The following RERE variants were observed in gnomAD, a reference collection of about 807,000 sequenced individuals.
RERE encodes the protein arginine-glutamic acid dipeptide repeats.
In RERE, 40 loss-of-function variants were observed where a neutral mutation model predicts 146.1. The ratio of observed to expected loss-of-function variants is 0.27; its 90% CI spans 0.21 to 0.36. The LOEUF (loss-of-function observed/expected upper bound fraction) is 0.36. Among genes scored for constraint, RERE ranks in the 10% least tolerant of loss-of-function variants. The pLI, the probability that RERE is intolerant of heterozygous loss-of-function variation, is 1.00. For missense variants in RERE, 1,933 were observed against 2,138.7 expected (o/e 0.90, Z 1.90); for synonymous variants, 1,003 against 866.0 (o/e 1.16, Z -2.78).
chr1:8,402,680 T>C (rs973423813), intron 12 of RERE, among the ~76,000 whole-genome samples: 9 of 152,158 alleles, frequency 5.9e-5, no homozygotes, highest in East Asian at 1.9e-4. Context: ...AAGGGAGAGA[T>C]TGGCCTACAA....
At position 8,720,533 on chromosome 1, in the gene RERE, A is replaced by AAG. The variant is rs148718004; in HGVS notation, c.-144-64094_-144-64093dup. ...AGACAGACAGAGTCAGAGAGAGAGC[A>AAG]AGAGAGAGAGAGAGAACAAGAACGA... On this transcript the variant is annotated intron_variant, in intron 1 of 22. Coordinates refer to ENST00000400908, the MANE Select transcript of RERE (RefSeq NM_001042681.2). Among the ~76,000 whole-genome samples the AAG allele has an allele frequency of 4.6e-5, 7 of 151,378 alleles. No homozygotes were observed. In the South Asian group the frequency reaches 6.2e-4, roughly 14 times the overall value.
chr1:8,791,398 G>A (rs1217443379), intron 1 of RERE, among the ~76,000 whole-genome samples: 1 of 152,088 alleles, frequency 6.6e-6, no homozygotes, highest in Non-Finnish European at 1.5e-5. Flanking sequence ...ACCTCCAGGA[G>A]GGTAGGGACA....
intron 12 of RERE, among the ~76,000 whole-genome samples, chr1:8,411,508 T>C (rs761303618): frequency 2.0e-5 from 3 of 151,956 alleles, no homozygotes; most frequent in African/African-American, 2.4e-5. Flanking sequence ...TTCTGGTTAA[T>C]AGCCCCAGAT....
At chr1:8,770,365 A>G (rs1184757809) in intron 1 of RERE, among the ~76,000 whole-genome samples, 1 of 152,164 alleles carries the variant, frequency 6.6e-6, no homozygotes, top group Non-Finnish European at 1.5e-5. Flanking sequence ...TGGATTATGG[A>G]TAATTAGGGC....
chr1:8,521,478 A>G (rs1047050277), intron 7 of RERE, among the ~76,000 whole-genome samples: 5 of 151,900 alleles, frequency 3.3e-5, no homozygotes, highest in South Asian at 2.1e-4. Flanking sequence ...CTGCATGCCT[A>G]TTTTTTTTAA....
intron 6 of RERE, among the ~76,000 whole-genome samples, chr1:8,552,684 A>C (rs1645950213): frequency 6.6e-6 from 1 of 152,258 alleles, no homozygotes; most frequent in South Asian, 2.1e-4. Context: ...GAAGAGAAAG[A>C]GAACAAACAG....
chr1:8,434,642 G>C (rs1403171348), intron 11 of RERE: 1 of 152,200 alleles, frequency 6.6e-6, no homozygotes, highest in Non-Finnish European at 1.5e-5. Context: ...GAATGTGACA[G>C]AATGATACCA....
At chr1:8,535,295 T>C (rs186033531) in intron 7 of RERE, among the ~76,000 whole-genome samples, 2 of 152,312 alleles carry the variant, frequency 1.3e-5, no homozygotes, top group East Asian at 1.9e-4. Flanking sequence ...AAATCCATAA[T>C]GCCAAACAAG....
At chr1:8,552,377 G>C (rs766577234) in intron 6 of RERE, among the ~76,000 whole-genome samples, 2 of 152,160 alleles carry the variant, frequency 1.3e-5, no homozygotes, top group Admixed American at 6.5e-5. Flanking sequence ...TGATCTTCAA[G>C]AAGAATGGTG....
At position 8,356,451 on chromosome 1, in the gene RERE, C is replaced by T. The variant is rs760147821; in HGVS notation, c.4340-205G>A. Among the ~76,000 whole-genome samples the T allele has an allele frequency of 2.0e-5, 3 of 152,088 alleles. No homozygotes were observed. The highest frequency in any genetic ancestry group is 4.4e-5 in the Non-Finnish European group (3 of 68,006). On this transcript the variant is annotated intron_variant, in intron 20 of 22. Transcript: ENST00000400908. The surrounding 1 kb of genome is among the most constrained non-coding windows in gnomAD (Gnocchi z 5.2). Reference sequence around the variant, plus strand: ...GAGCTCCAGAGGCCGAGAGAAGTGACGAGCCCACCGCTGATGCAGGCACTC... The same window carrying T: ...GAGCTCCAGAGGCCGAGAGAAGTGATGAGCCCACCGCTGATGCAGGCACTC...
chr1:8,509,426 A>ATCCG (rs1374215055), intron 7 of RERE, among the ~76,000 whole-genome samples: 5 of 85,934 alleles, frequency 5.8e-5, no homozygotes, highest in African/African-American at 1.5e-4. Flanking sequence ...CCATCCATCC[A>ATCCG]TCCATCCATC....
rs990344667 is a variant in RERE, at chr1:8,358,685, G to A, written c.3850C>T (p.Leu1284=). 1.8e-5 allele frequency: 29 copies of A among 1,586,266 alleles called. No individual in the cohort carries two copies. In the East Asian group the frequency reaches 4.0e-4, roughly 22 times the overall value. ...FYMPLNPTDP[L]LAYHMPGLYN... is the part of the protein sequence containing the mutation. ...AGGCCAGGCATGTGGTAGGCCAGCA[G>A]GGGGTCCGTGGGGTTAAGGGGCATG... Residue 1284 remains leucine, a synonymous_variant, in exon 20 of 23, where the codon CTG becomes TTG. Transcript: ENST00000400908.
chr1:8,406,828 C>T (rs1301915816), intron 12 of RERE, among the ~76,000 whole-genome samples: 4 of 151,966 alleles, frequency 2.6e-5, no homozygotes, highest in African/African-American at 7.3e-5. Context: ...AGAAGTACTA[C>T]GTACATATAT....
intron 4 of RERE, among the ~76,000 whole-genome samples, chr1:8,559,806 C>A (rs1646056452): frequency 6.6e-6 from 1 of 152,202 alleles, no homozygotes; most frequent in Non-Finnish European, 1.5e-5. Flanking sequence ...CTGACTCTGT[C>A]TGGCCTTTAG....
At chr1:8,783,367 C>T (rs1461683161) in intron 1 of RERE, among the ~76,000 whole-genome samples, 1 of 152,158 alleles carries the variant, frequency 6.6e-6, no homozygotes, top group Non-Finnish European at 1.5e-5. Flanking sequence ...AAAATACTGT[C>T]GCTCTATCTT....
intron 2 of RERE, among the ~76,000 whole-genome samples, chr1:8,640,969 A>C (rs933473701): frequency 6.6e-6 from 1 of 152,242 alleles, no homozygotes; most frequent in Non-Finnish European, 1.5e-5. Flanking sequence ...AAACTTTTTA[A>C]AACAACAAAT....
chr1:8,637,070 T>A (rs766810904), intron 2 of RERE, among the ~76,000 whole-genome samples: 27 of 152,178 alleles, frequency 1.8e-4, no homozygotes, highest in Admixed American at 1.6e-3. Context: ...ATATTCTAAT[T>A]TTTTTAAACA....
rs1045834678 is a variant in RERE, at chr1:8,423,681, C to T, written c.1204-874G>A. 3 of 983,374 alleles carry T rather than the reference C, an allele frequency of 3.1e-6. No individual in the cohort carries two copies. Among genetic ancestry groups the T allele is most frequent in the South Asian group, 9.4e-5 (2 of 21,318 alleles). The allele number at this position is 983,374 out of a possible 1,614,324, so 60.9% of individuals were successfully genotyped here. Reference sequence around the variant, plus strand: ...GGCTCCGGCTCCACAAAGCGCAGGGCGGAGGCGGCCGCGGGTGGCTCGGCG... The same window carrying T: ...GGCTCCGGCTCCACAAAGCGCAGGGTGGAGGCGGCCGCGGGTGGCTCGGCG... On this transcript the variant is annotated intron_variant, in intron 11 of 22. Coordinates refer to ENST00000400908, the MANE Select transcript of RERE (RefSeq NM_001042681.2). This position sits in a 1 kb window ranked among gnomAD's most constrained non-coding sequence, Gnocchi z 5.4.
At chr1:8,499,131 A>G (rs1271383666) in intron 8 of RERE, among the ~76,000 whole-genome samples, 5 of 152,176 alleles carry the variant, frequency 3.3e-5, no homozygotes, top group Non-Finnish European at 7.3e-5. Context: ...GAAAAGTCAG[A>G]TATTTGCAAG....
Sources: allele counts gnomAD v4.1 joint callset (sites outside exome capture counted in the v4.1 genomes callset), GRCh38; gene constraint gnomAD v4.1.1; non-coding constraint Gnocchi (gnomAD v3.1); transcripts MANE v1.5; gene names NCBI Gene and HGNC (gene_info 2026-07-23, HGNC 2026-07-21).